The following PTDSS2 variants were observed in gnomAD, a reference collection of about 807,000 sequenced individuals.
The protein encoded by PTDSS2 is PSS-2.
A neutral mutation model predicts 64.7 loss-of-function variants in PTDSS2; 41 were observed. The observed-to-expected ratio is 0.63, with a 90% confidence interval of 0.49 to 0.82. The LOEUF (loss-of-function observed/expected upper bound fraction) is 0.82, where lower values mean the gene tolerates loss of function less well. Ranked by LOEUF, PTDSS2 falls within the 40% of genes least tolerant of loss-of-function variation. The probability of loss-of-function intolerance (pLI) is 0.00; values close to 1 mark genes in which losing one functional copy is unlikely to be tolerated. For synonymous variants in PTDSS2, 297 were observed against 277.8 expected, an observed-to-expected ratio of 1.07 and a Z score of -0.69; for missense variants, 485 against 650.0, an observed-to-expected ratio of 0.75 and a Z score of 2.76.
chr11:478,721 C>G (rs953455882), intron 3 of PTDSS2, among the ~76,000 whole-genome samples: 2 of 151,726 alleles, frequency 1.3e-5, no homozygotes, highest in African/African-American at 4.9e-5. Flanking sequence ...CCAGCCTGGG[C>G]GACAGACTCC....
Position 462,536 on chromosome 11 carries a change from C to A in PTDSS2, c.284+2248C>A, listed in dbSNP as rs1271904146. On this transcript the variant is annotated intron_variant, in intron 2 of 11. Transcript: ENST00000308020. This position sits in a 1 kb window ranked among gnomAD's most constrained non-coding sequence, Gnocchi z 4.5. ...ACCTGTCCTTCTCTGCTGCTGGCAC[C>A]TAGAACCTGCTCTGGGCTCCTTCCT... Among the ~76,000 whole-genome samples, 1 of 152,222 alleles carries A rather than the reference C, an allele frequency of 6.6e-6. No individual in the cohort carries two copies. The highest frequency in any genetic ancestry group is 1.5e-5 in the Non-Finnish European group (1 of 68,032).
At chr11:463,479 T>C (rs866415700) in intron 2 of PTDSS2, 2 of 150,584 alleles carry the variant, frequency 1.3e-5, no homozygotes, top group African/African-American at 2.4e-5. Flanking sequence ...TTGACCAGGT[T>C]GGCCTCGAAC....
At chr11:471,159 G>A (rs977706002) in intron 2 of PTDSS2, among the ~76,000 whole-genome samples, 44 of 144,954 alleles carry the variant, frequency 3.0e-4, no homozygotes, top group Admixed American at 2.8e-3. Flanking sequence ...GCAGTGGCGC[G>A]ATCTCAGCTC....
chr11:455,875 C>T (rs1055366884), intron 1 of PTDSS2, among the ~76,000 whole-genome samples: 3 of 152,240 alleles, frequency 2.0e-5, no homozygotes, highest in Non-Finnish European at 2.9e-5. Flanking sequence ...GGCTCAGGAA[C>T]GCAGGCTGTG....
chr11:471,653 A>C (rs1356946511), intron 2 of PTDSS2, among the ~76,000 whole-genome samples: 3 of 131,284 alleles, frequency 2.3e-5, no homozygotes, highest in Non-Finnish European at 4.9e-5. Flanking sequence ...GGTGACACGC[A>C]CCTGTCTGGT....
At chr11:474,063 G>A in intron 3 of PTDSS2, 86 bp downstream of exon 3, 1 of 1,124,482 alleles carries the variant, frequency 8.9e-7, no homozygotes, top group Non-Finnish European at 1.4e-6. Context: ...GGGTGTGAGT[G>A]TCCTGTCCTC....
Position 490,681 on chromosome 11 carries a change from C to T in PTDSS2, c.*99C>T, listed in dbSNP as rs1026417234. Reference sequence around the variant, plus strand: ...GGAGCCACGTGCCCGGCCTTGCCCTCAAGGTTTTTTGCTTTTCTCCTGTGC... The same window carrying T: ...GGAGCCACGTGCCCGGCCTTGCCCTTAAGGTTTTTTGCTTTTCTCCTGTGC... On this transcript the variant is annotated 3_prime_UTR_variant, in exon 12 of 12. Coordinates refer to ENST00000308020, the MANE Select transcript of PTDSS2 (RefSeq NM_030783.3). 4 of 1,334,428 alleles carry T rather than the reference C, an allele frequency of 3.0e-6. No homozygotes were observed. The Admixed American group carries it at 1.1e-4, about 36-fold the overall frequency. 82.7% of individuals were successfully genotyped at this position (1,334,428 alleles called of 1,614,324 possible).
chr11:450,711 G>A, intron 1 of PTDSS2, 74 bp downstream of exon 1: 1 of 1,180,348 alleles, frequency 8.5e-7, no homozygotes, highest in Non-Finnish European at 1.1e-6. Flanking sequence ...TGGCCTGGGG[G>A]TCCCCGGCAG....
intron 4 of PTDSS2, among the ~76,000 whole-genome samples, chr11:485,352 G>T (rs115656099): frequency 7.1e-6 from 1 of 141,362 alleles, no homozygotes; most frequent in Admixed American, 7.2e-5. Context: ...TGCTCACTGC[G>T]CAGGCGTCTG....
At position 489,494 on chromosome 11, in the gene PTDSS2, G is replaced by A. The variant is rs1164971971; in HGVS notation, c.949G>A (p.Val317Met). The part of the protein sequence containing the change: ...PASSLRRWLA[V>M]CGIILVFLLA... Reference sequence around the variant, plus strand: ...CTCCAGCCTGCGTCGCTGGCTGGCCGTGTGCGGCATCATCCTGGTGGTAAG... The same window carrying A: ...CTCCAGCCTGCGTCGCTGGCTGGCCATGTGCGGCATCATCCTGGTGGTAAG... The change falls in exon 9 of 12, where the codon GTG becomes ATG. Residue 317 changes from valine (V) to methionine (M), a missense_variant. Physicochemically the swap from Val to Met is conservative, Grantham distance 21. Around this residue, in one of 3 missense-constraint regions of PTDSS2, gnomAD observed 219 missense variants for 257.3 expected, o/e 0.85. Transcript: ENST00000308020. 3.1e-6 allele frequency: 5 copies of A among 1,613,144 alleles called. No individual in the cohort carries two copies. The highest frequency in any genetic ancestry group is 4.2e-6 in the Non-Finnish European group (5 of 1,179,792).
At position 479,028 on chromosome 11, in the gene PTDSS2, G is replaced by A. The variant is rs373752152; in HGVS notation, c.368-57G>A. The A allele has an allele frequency of 2.0e-5, 30 of 1,467,356 alleles. No individual in the cohort carries two copies. In the African/African-American group the frequency reaches 2.9e-4, roughly 14 times the overall value. 90.9% of individuals were successfully genotyped at this position (1,467,356 alleles called of 1,614,324 possible). A position where few individuals can be genotyped will look rare whatever the true frequency, so the allele number is the denominator to read the frequency against. Reference sequence around the variant, plus strand: ...GAGCCAGGAGCCGGCCTGGGGCTGAGCGGGGCCGTGGAGGCCTGGACCGGG... The same window carrying A: ...GAGCCAGGAGCCGGCCTGGGGCTGAACGGGGCCGTGGAGGCCTGGACCGGG... On this transcript the variant is annotated intron_variant, in intron 3 of 11. Transcript: ENST00000308020. This position sits in a 1 kb window ranked among gnomAD's most constrained non-coding sequence, Gnocchi z 4.2.
chr11:456,792 G>A lies in PTDSS2; in HGVS notation c.183-3395G>A, dbSNP rs981379518. Reference sequence around the variant, plus strand: ...GATTGTGGGCAGGTCTCTCAGTACTGAAGGGCCCCACGGTGTGGAGCTCAG... The same window carrying A: ...GATTGTGGGCAGGTCTCTCAGTACTAAAGGGCCCCACGGTGTGGAGCTCAG... On this transcript the variant is annotated intron_variant, in intron 1 of 11. Coordinates refer to ENST00000308020, the MANE Select transcript of PTDSS2 (RefSeq NM_030783.3). Among the ~76,000 whole-genome samples the A allele has an allele frequency of 2.6e-5, 4 of 152,198 alleles. No individual in the cohort carries two copies. The South Asian group carries it at 8.3e-4, about 31-fold the overall frequency.
chr11:477,326 CA>C (rs1174065198), intron 3 of PTDSS2, among the ~76,000 whole-genome samples: 3 of 152,244 alleles, frequency 2.0e-5, no homozygotes, highest in Admixed American at 6.5e-5. Context: ...GTGTCAGCCA[CA>C]GCATTTCCAG....
chr11:489,779 G>T, intron 10 of PTDSS2, 46 bp downstream of exon 10: 1 of 1,584,720 alleles, frequency 6.3e-7, no homozygotes, highest in East Asian at 2.3e-5. Flanking sequence ...GGGGGGCAGG[G>T]GCCGGAGGGC....
chr11:460,519 T>C lies in PTDSS2; in HGVS notation c.284+231T>C, dbSNP rs1019798124. 7.6e-6 allele frequency: 4 copies of C among 527,168 alleles called. No homozygotes were observed. Among genetic ancestry groups the C allele is most frequent in the African/African-American group, 3.8e-5 (2 of 52,298 alleles). 32.7% of individuals were successfully genotyped at this position (527,168 alleles called of 1,614,324 possible). On this transcript the variant is annotated intron_variant, in intron 2 of 11. Transcript: ENST00000308020. This position sits in a 1 kb window ranked among gnomAD's most constrained non-coding sequence, Gnocchi z 5.8. The stretch of plus-strand genomic sequence containing the variant: ...CGCCTGTCACTGGGAGCCAGGAGTC[T>C]GTGTCATCTCCACGTGACCGGCAGC...
chr11:454,030 C>T (rs1043870127), intron 1 of PTDSS2, among the ~76,000 whole-genome samples: 1 of 152,216 alleles, frequency 6.6e-6, no homozygotes, highest in Non-Finnish European at 1.5e-5. Flanking sequence ...GGGAGGGACA[C>T]GGAATTCTTC....
At chr11:448,561 T>G (rs1284554393), upstream of PTDSS2, 2 of 152,172 alleles carry the variant, frequency 1.3e-5, no homozygotes, top group Non-Finnish European at 2.9e-5. Flanking sequence ...CGACCCCAGC[T>G]GGACGCGGCC....
chr11:458,907 C>CT (rs1382668231), intron 1 of PTDSS2: 4 of 152,268 alleles, frequency 2.6e-5, no homozygotes, highest in Non-Finnish European at 5.9e-5. Flanking sequence ...GGGCAACATG[C>CT]TTTAAGTGCA....
At chr11:464,578 G>T (rs1435221355) in intron 2 of PTDSS2, among the ~76,000 whole-genome samples, 1 of 152,236 alleles carries the variant, frequency 6.6e-6, no homozygotes, top group Admixed American at 6.5e-5. Context: ...TGTGAACGCA[G>T]TTGCTCCTCC....
Sources: gnomAD v4.1 joint callset for allele counts (sites outside exome capture counted in the v4.1 genomes callset) on GRCh38, gnomAD v4.1.1 for gene constraint, gnomAD v4.1.1 regional missense constraint, Gnocchi (gnomAD v3.1) non-coding constraint, MANE v1.5 for transcripts, NCBI Gene and HGNC (gene_info 2026-07-23, HGNC 2026-07-21) for gene names.